The following ANKRD18A variants were observed in gnomAD, a reference collection of about 807,000 sequenced individuals.
ANKRD18A encodes the protein ankyrin repeat domain-containing protein 18A.
ANKRD18A carries 72 observed loss-of-function variants against 110.6 expected under a neutral mutation model. That is an observed-to-expected ratio of 0.65 (90% CI 0.54 to 0.79). The LOEUF (loss-of-function observed/expected upper bound fraction) is 0.79. ANKRD18A is among the 30% of genes least tolerant of loss of function. ANKRD18A has a pLI of 0.00. For synonymous variants in ANKRD18A, 305 were observed against 410.3 expected, an observed-to-expected ratio of 0.74 and a Z score of 3.10; for missense variants, 934 against 1,163.3, an observed-to-expected ratio of 0.80 and a Z score of 2.87.
chr9:38,576,361 A>T (rs1413103994), intron 14 of ANKRD18A, among the ~76,000 whole-genome samples: 1 of 152,208 alleles, frequency 6.6e-6, no homozygotes, highest in African/African-American at 2.4e-5. Flanking sequence ...CTCTGAAGGC[A>T]ATTAGCCCTC....
downstream of ANKRD18A, chr9:38,569,316 A>C: frequency 1.0e-6 from 1 of 978,936 alleles, no homozygotes; most frequent in Non-Finnish European, 1.2e-6. Context: ...GATTACCCTC[A>C]GTAGCTGCCC....
chr9:38,615,824 T>G, intron 2 of ANKRD18A, 57 bp from the exon 3 acceptor site: 1 of 1,553,788 alleles, frequency 6.4e-7, no homozygotes, highest in Non-Finnish European at 8.7e-7. Context: ...AAATACATAT[T>G]CCACAGGTTT....
chr9:38,575,403 T>C lies in ANKRD18A; in HGVS notation c.2964+73A>G, dbSNP rs190932559. ...ACATGCGTAAGTCAACAGAACTCAG[T>C]ATTTCATCAAATTATAGACAAGAAT... On this transcript the variant is annotated intron_variant, in intron 15 of 15. Coordinates refer to ENST00000399703, the MANE Select transcript of ANKRD18A (RefSeq NM_147195.4). 2.2e-4 allele frequency: 305 copies of C among 1,397,266 alleles called. 1 individual carries two copies. The African/African-American group carries it at 3.2e-3, about 15-fold the overall frequency. 86.6% of individuals were successfully genotyped at this position (1,397,266 alleles called of 1,614,324 possible).
At chr9:38,578,817 G>C (rs1299859092) in intron 12 of ANKRD18A, among the ~76,000 whole-genome samples, 1 of 152,158 alleles carries the variant, frequency 6.6e-6, no homozygotes, top group Non-Finnish European at 1.5e-5. Flanking sequence ...CCAGAGTTCA[G>C]GGCTGCCGTG....
intron 6 of ANKRD18A, among the ~76,000 whole-genome samples, chr9:38,603,500 T>C (rs915842917): frequency 2.6e-5 from 4 of 152,200 alleles, no homozygotes; most frequent in African/African-American, 9.6e-5. Context: ...GCCTACCATA[T>C]GTTTTTTCTC....
chr9:38,603,019 T>C (rs1825191233), intron 7 of ANKRD18A, 140 bp downstream of exon 7: 26 of 1,275,574 alleles, frequency 2.0e-5, no homozygotes, highest in Middle Eastern at 2.0e-4. Context: ...TATTTTATCA[T>C]GGATGGGTGA....
At chr9:38,594,242 G>A (rs545814208) in intron 9 of ANKRD18A, among the ~76,000 whole-genome samples, 2 of 152,020 alleles carry the variant, frequency 1.3e-5, no homozygotes, top group Admixed American at 6.6e-5. Context: ...AAATTCCAAC[G>A]GCCTTCAAGG....
At chr9:38,573,938 C>A (rs1823771213) in intron 15 of ANKRD18A, among the ~76,000 whole-genome samples, 1 of 151,076 alleles carries the variant, frequency 6.6e-6, no homozygotes, top group African/African-American at 2.4e-5. Flanking sequence ...TAAAGCGGTA[C>A]CTGTGTAAGT....
In ANKRD18A at chr9:38,616,029, C is replaced by T; in HGVS notation, c.222G>A (p.Leu74=). Residue 74 remains leucine (L), a synonymous_variant, in exon 2 of 16, where the codon TTG becomes TTA. Coordinates refer to ENST00000399703, the MANE Select transcript of ANKRD18A (RefSeq NM_147195.4). The part of the protein sequence containing the change: ...RDRKDRTVLH[L]ACAHGRVQVV... ...CTTGCACACGGCCATGGGCACAGGC[C>T]AAATGTAGAACAGTCCTAGGAGAGC... 1 of 1,588,790 alleles carries T rather than the reference C, an allele frequency of 6.3e-7. No individual in the cohort carries two copies. Among genetic ancestry groups the T allele is most frequent in the Non-Finnish European group, 8.6e-7 (1 of 1,167,054 alleles).
intron 3 of ANKRD18A, among the ~76,000 whole-genome samples, chr9:38,612,771 C>T (rs566935460): frequency 2.0e-5 from 3 of 152,160 alleles, no homozygotes; most frequent in Non-Finnish European, 4.4e-5. Flanking sequence ...CCCGCCTCAG[C>T]CTCCCAAAGT....
rs568507320 is a variant in ANKRD18A, at chr9:38,576,364, T to C, written c.2742-666A>G. On this transcript the variant is annotated intron_variant, in intron 14 of 15. Coordinates refer to ENST00000399703, the MANE Select transcript of ANKRD18A (RefSeq NM_147195.4). ...GAACTAAAGCATCTCTGAAGGCAATTAGCCCTCAACACCGTGACCAAGGCA... is the reference window on the plus strand; with the variant it reads ...GAACTAAAGCATCTCTGAAGGCAATCAGCCCTCAACACCGTGACCAAGGCA... Among the ~76,000 whole-genome samples, 171 of 152,316 alleles carry C rather than the reference T, an allele frequency of 1.1e-3. 1 individual carries two copies. Among genetic ancestry groups the C allele is most frequent in the Non-Finnish European group, 2.0e-3 (135 of 68,032 alleles).
chr9:38,599,726 A>G (rs964984613), intron 8 of ANKRD18A, among the ~76,000 whole-genome samples: 1 of 152,142 alleles, frequency 6.6e-6, no homozygotes, highest in Non-Finnish European at 1.5e-5. Flanking sequence ...AGCCTCCCGA[A>G]GTGCTGGGAT....
intron 3 of ANKRD18A, among the ~76,000 whole-genome samples, chr9:38,614,103 G>A (rs1825751913): frequency 6.6e-6 from 1 of 151,984 alleles, no homozygotes; most frequent in African/African-American, 2.4e-5. Context: ...GAAGAAAGTA[G>A]CACCTATCGA....
At chr9:38,597,224 C>G (rs1824923844) in intron 8 of ANKRD18A, among the ~76,000 whole-genome samples, 2 of 152,160 alleles carry the variant, frequency 1.3e-5, no homozygotes, top group African/African-American at 4.8e-5. Context: ...GCTTCAGAAA[C>G]AGAAAAGAAG....
Position 38,575,668 on chromosome 9 carries a change from G to C in ANKRD18A, c.2772C>G (p.Thr924=), listed in dbSNP as rs1416751648. ...KSDKKIAVIS[T]KLFTEKQRMK... is the part of the protein sequence containing the mutation. ...TCCGCTGTTTCTCCGTAAAGAGCTT[G>C]GTGCTGATCACTGCTATTTTCTTAT... Residue 924 remains threonine (T), a synonymous_variant, in exon 15 of 16, where the codon ACC becomes ACG. Transcript: ENST00000399703. The C allele has an allele frequency of 6.4e-7, 1 of 1,551,698 alleles. No homozygotes were observed. The highest frequency in any genetic ancestry group is 2.4e-5 in the East Asian group (1 of 40,896).
chr9:38,575,233 A>C (rs1823829661), intron 15 of ANKRD18A, among the ~76,000 whole-genome samples: 1 of 152,222 alleles, frequency 6.6e-6, no homozygotes, highest in African/African-American at 2.4e-5. Flanking sequence ...CTTTTAAAGA[A>C]ATTTTAAATG....
At chr9:38,583,656 G>A (rs1824255940) in intron 12 of ANKRD18A, among the ~76,000 whole-genome samples, 1 of 152,160 alleles carries the variant, frequency 6.6e-6, no homozygotes. Flanking sequence ...CCAAAGTGCT[G>A]GGATTACAGG....
chr9:38,569,496 A>T (rs1290277080), downstream of ANKRD18A: 1 of 967,188 alleles, frequency 1.0e-6, no homozygotes, highest in Non-Finnish European at 1.2e-6. Context: ...CGTGTCTCTA[A>T]CTGCTCCACA....
chr9:38,613,496 T>G (rs1291680871), intron 3 of ANKRD18A, among the ~76,000 whole-genome samples: 1 of 152,110 alleles, frequency 6.6e-6, no homozygotes, highest in Non-Finnish European at 1.5e-5. Flanking sequence ...GGCCCTGATA[T>G]ATACATAATA....
Sources: allele counts gnomAD v4.1 joint callset (sites outside exome capture counted in the v4.1 genomes callset), GRCh38; gene constraint gnomAD v4.1.1; transcripts MANE v1.5; gene names NCBI Gene and HGNC (gene_info 2026-07-23, HGNC 2026-07-21).